PLCH2: variants seen among roughly 807,000 people sequenced by gnomAD.
PLCH2 encodes the protein phospholipase C eta 2.
PLCH2 carries 98 observed loss-of-function variants against 134.7 expected under a neutral mutation model. That is an observed-to-expected ratio of 0.73 (90% CI 0.62 to 0.86). The LOEUF (loss-of-function observed/expected upper bound fraction) is 0.86. Ranked by LOEUF, PLCH2 falls within the 40% of genes least tolerant of loss-of-function variation. The pLI, the probability that PLCH2 is intolerant of heterozygous loss-of-function variation, is 0.00. For missense variants in PLCH2, 1,994 were observed against 1,986.6 expected (o/e 1.00, Z -0.07); for synonymous variants, 974 against 827.5 (o/e 1.18, Z -3.04).
At chr1:2,469,376 G>A (rs1641218694) in intron 1 of PLCH2, among the ~76,000 whole-genome samples, 1 of 152,232 alleles carries the variant, frequency 6.6e-6, no homozygotes, top group Non-Finnish European at 1.5e-5. Flanking sequence ...GCGTCCTCTG[G>A]GCAGAGGGAG....
chr1:2,477,053 G>C (rs1641670855), intron 1 of PLCH2, among the ~76,000 whole-genome samples: 2 of 152,212 alleles, frequency 1.3e-5, no homozygotes, highest in South Asian at 4.1e-4. Flanking sequence ...TTGCAGCCCA[G>C]GCGGCTGGGC....
rs1557969971 is a variant in PLCH2 at position 2,459,535 on chromosome 1, T to TG, written c.116-18941_116-18940insG. Among the ~76,000 whole-genome samples, 12 of 139,042 alleles carry TG rather than the reference T, an allele frequency of 8.6e-5. 1 individual carries two copies. Among genetic ancestry groups the TG allele is most frequent in the African/African-American group, 1.6e-4 (6 of 36,632 alleles). The allele number at this position is 139,042 out of a possible 152,430, so 91.2% of individuals were successfully genotyped here. On this transcript the variant is annotated intron_variant, in intron 2 of 3. Transcript: ENST00000609981. ...GGTCCTCCTTCCTGGTGGTCCTCCT[T>TG]CCTGGTGGTCCTCCTTCCTGGTGGT...
At chr1:2,441,436 G>A (rs569098321) in intron 2 of PLCH2, among the ~76,000 whole-genome samples, 4 of 152,296 alleles carry the variant, frequency 2.6e-5, no homozygotes, top group African/African-American at 2.4e-5. Context: ...TCACAGCACC[G>A]AGCTCTGTGG....
At chr1:2,434,829 C>T (rs933524148) in intron 2 of PLCH2, among the ~76,000 whole-genome samples, 9 of 152,186 alleles carry the variant, frequency 5.9e-5, no homozygotes, top group South Asian at 2.1e-4. Flanking sequence ...CGAGGCTCCC[C>T]GTGGAAACCA....
chr1:2,423,031 T>C (rs1453846983), upstream of PLCH2, among the ~76,000 whole-genome samples: 3 of 152,236 alleles, frequency 2.0e-5, no homozygotes, highest in Non-Finnish European at 4.4e-5. Context: ...CTTTAAATAT[T>C]TGGAAGCTGA....
chr1:2,479,259 G>A lies in PLCH2; in HGVS notation c.272-475G>A, dbSNP rs117704179. On this transcript the variant is annotated intron_variant, in intron 2 of 21. Transcript: ENST00000378486. Reference sequence around the variant, plus strand: ...CCAAGCGTGTAGCCACTTTGGGCCCGTGGAGAGAGTCGCGCTGCGGAGCCC... The same window carrying A: ...CCAAGCGTGTAGCCACTTTGGGCCCATGGAGAGAGTCGCGCTGCGGAGCCC... The A allele has an allele frequency of 6.0e-3, 1,000 of 167,268 alleles. 1 individual carries two copies. The highest frequency in any genetic ancestry group is 8.1e-3 in the Non-Finnish European group (617 of 76,134). 10.4% of individuals were successfully genotyped at this position (167,268 alleles called of 1,614,324 possible). A position where few individuals can be genotyped will look rare whatever the true frequency, so the allele number is the denominator to read the frequency against.
At chr1:2,425,145 A>G (rs1283445048), upstream of PLCH2, among the ~76,000 whole-genome samples, 1 of 141,952 alleles carries the variant, frequency 7.0e-6, no homozygotes, top group African/African-American at 2.6e-5. Context: ...CCTAGGCGAT[A>G]GAGTGTGACA....
At chr1:2,488,886 A>G (rs549390286) in intron 8 of PLCH2, among the ~76,000 whole-genome samples, 1 of 152,324 alleles carries the variant, frequency 6.6e-6, no homozygotes, top group Non-Finnish European at 1.5e-5. Context: ...TTTTAAAACC[A>G]TGACTTTTTC....
intron 10 of PLCH2, 135 bp from the exon 11 acceptor site, chr1:2,491,057 C>T (rs1642549127): frequency 1.2e-6 from 1 of 818,612 alleles, no homozygotes; most frequent in African/African-American, 1.7e-5. Flanking sequence ...CTGTGGCTGC[C>T]TGCAGGCCCT....
upstream of PLCH2, among the ~76,000 whole-genome samples, chr1:2,472,807 C>T (rs78762854): frequency 3.9e-3 from 593 of 152,266 alleles, 3 homozygotes; most frequent in African/African-American, 0.013. Context: ...CTGCCCGTCC[C>T]GTACACGCTC....
upstream of PLCH2, among the ~76,000 whole-genome samples, chr1:2,473,872 G>T (rs1271611683): frequency 6.6e-6 from 1 of 152,242 alleles, no homozygotes; most frequent in Non-Finnish European, 1.5e-5. Flanking sequence ...GGCCTCTGGT[G>T]TGGGCCCACA....
At chr1:2,479,434 C>T in intron 2 of PLCH2, 1 of 328,978 alleles carries the variant, frequency 3.0e-6, no homozygotes, top group East Asian at 5.7e-5. Context: ...AAACGTGGAG[C>T]CCCGGGCCAG....
chr1:2,489,303 C>T lies in PLCH2; in HGVS notation c.1332C>T (p.Asp444=). Residue 444 remains aspartate (D), a synonymous_variant, in exon 9 of 22, where the codon GAC becomes GAT. Coordinates refer to ENST00000378486, the MANE Select transcript of PLCH2 (RefSeq NM_014638.4). ...CTGACATCCTTGGGGACAAGCTGGA[C>T]CTGTCATCAGTGAGCAGTGAAGATG... ...YLTDILGDKL[D]LSSVSSEDAT... 6.2e-7 allele frequency: 1 copy of T among 1,613,884 alleles called. No individual in the cohort carries two copies. Among genetic ancestry groups the T allele is most frequent in the African/African-American group, 1.3e-5 (1 of 75,066 alleles).
chr1:2,424,781 A>T (rs1306050358), upstream of PLCH2, among the ~76,000 whole-genome samples: 1 of 152,196 alleles, frequency 6.6e-6, no homozygotes, highest in Non-Finnish European at 1.5e-5. Context: ...AGGTCAGGAG[A>T]TCGAGACCAT....
intron 10 of PLCH2, among the ~76,000 whole-genome samples, chr1:2,490,766 AC>A (rs1642530259): frequency 6.6e-6 from 1 of 151,964 alleles, no homozygotes; most frequent in African/African-American, 2.4e-5. Flanking sequence ...CAAGTCCCAG[AC>A]CCTGTCCTCA....
intron 2 of PLCH2, among the ~76,000 whole-genome samples, chr1:2,456,687 T>C (rs1265980029): frequency 6.6e-6 from 1 of 152,110 alleles, no homozygotes; most frequent in African/African-American, 2.4e-5. Context: ...GCCGCCCTCC[T>C]TGGGCCTCAG....
chr1:2,494,327 C>T (rs530208690), intron 11 of PLCH2: 194 of 176,088 alleles, frequency 1.1e-3, no homozygotes, highest in African/African-American at 4.6e-3. Context: ...GGTAGGAAGG[C>T]TCACAGTGGT....
intron 1 of PLCH2, among the ~76,000 whole-genome samples, chr1:2,430,182 G>T (rs1218725958): frequency 6.6e-6 from 1 of 152,190 alleles, no homozygotes; most frequent in Non-Finnish European, 1.5e-5. Flanking sequence ...CCACTGCGCT[G>T]GCCTATTTAC....
At chr1:2,490,934 T>G (rs1464335394) in intron 10 of PLCH2, among the ~76,000 whole-genome samples, 2 of 152,234 alleles carry the variant, frequency 1.3e-5, no homozygotes, top group Admixed American at 1.3e-4. Flanking sequence ...TGCCGCCTGC[T>G]GGCGCACTGA....
Sources: allele counts gnomAD v4.1 joint callset (sites outside exome capture counted in the v4.1 genomes callset), GRCh38; gene constraint gnomAD v4.1.1; transcripts MANE v1.5; gene names NCBI Gene and HGNC (gene_info 2026-07-23, HGNC 2026-07-21).